Variants in PSD2 observed in about 807,000 individuals in gnomAD.
PSD2 encodes pleckstrin and Sec7 domain containing 2.
PSD2 carries 38 observed loss-of-function variants against 69.8 expected under a neutral mutation model. That is an observed-to-expected ratio of 0.54 (90% confidence interval 0.42 to 0.71). PSD2 has a LOEUF of 0.71. PSD2 is among the 30% of genes least tolerant of loss of function. The pLI, the probability that PSD2 is intolerant of heterozygous loss-of-function variation, is 0.00. For synonymous variants in PSD2, 412 were observed against 423.0 expected (o/e 0.97, Z 0.32); for missense variants, 943 against 1,014.5 (o/e 0.93, Z 0.96).
At chr5:139,793,548 C>T (rs1279715121), upstream of PSD2, among the ~76,000 whole-genome samples, 1 of 152,214 alleles carries the variant, frequency 6.6e-6, no homozygotes, top group Non-Finnish European at 1.5e-5. Flanking sequence ...ATCCAGGGGG[C>T]AGAGACTAGG....
upstream of PSD2, among the ~76,000 whole-genome samples, chr5:139,791,643 GAGAA>G (rs1759418389): frequency 6.6e-6 from 1 of 151,970 alleles, no homozygotes; most frequent in Admixed American, 6.6e-5. Context: ...AAAAAAAAAA[GAGAA>G]AGAAAAAGGC....
At chr5:139,756,985 T>C in the PSD2 span, among the ~76,000 whole-genome samples, 1 of 152,042 alleles carries the variant, frequency 6.6e-6, no homozygotes, top group Non-Finnish European at 1.5e-5. Flanking sequence ...CTCTACAAGG[T>C]TGGAACTCAT....
chr5:139,755,114 GCCATCTGCC>G, the PSD2 span, among the ~76,000 whole-genome samples: 12 of 152,208 alleles, frequency 7.9e-5, no homozygotes, highest in Non-Finnish European at 5.9e-5. Context: ...GACAGTTTAA[GCCATCTGCC>G]CCAGCCTCAT....
chr5:139,814,085 T>C lies in PSD2; in HGVS notation c.822-85T>C, dbSNP rs1190174161. 1 of 1,317,530 alleles carries C rather than the reference T, an allele frequency of 7.6e-7. No individual in the cohort carries two copies. The highest frequency in any genetic ancestry group is 1.1e-6 in the Non-Finnish European group (1 of 937,138). The allele number at this position is 1,317,530 out of a possible 1,614,324, so 81.6% of individuals were successfully genotyped here. A position where few individuals can be genotyped will look rare whatever the true frequency, so the allele number is the denominator to read the frequency against. On this transcript the variant is annotated intron_variant, in intron 3 of 14. Transcript: ENST00000274710. This position sits in a 1 kb window ranked among gnomAD's most constrained non-coding sequence, Gnocchi z 4.4. ...GTTCTGGCCCCTACATGGTTTGCAG[T>C]GGCCTGGGGAAACCTCCCAGCCTCC...
At chr5:139,813,783 A>AACC (rs1561597455) in intron 3 of PSD2, 25 bp downstream of exon 3, 2 of 1,568,484 alleles carry the variant, frequency 1.3e-6, no homozygotes, top group African/African-American at 1.3e-5. Flanking sequence ...AGGCTGGGAG[A>AACC]ACCACCGAGC....
the PSD2 span, among the ~76,000 whole-genome samples, chr5:139,756,881 G>A: frequency 8.9e-3 from 1,359 of 152,280 alleles, 17 homozygotes; most frequent in African/African-American, 0.03. Flanking sequence ...AGGTGATGAA[G>A]GTGATAAAAC....
At chr5:139,821,785 C>T (rs1760265377) in intron 5 of PSD2, 108 bp from the exon 6 acceptor site, 1 of 607,406 alleles carries the variant, frequency 1.6e-6, no homozygotes, top group Admixed American at 2.7e-5. Flanking sequence ...GAGAGTGGGG[C>T]ACTGGAGCCC....
the PSD2 span, among the ~76,000 whole-genome samples, chr5:139,745,611 C>T: frequency 6.6e-6 from 1 of 152,244 alleles, no homozygotes; most frequent in Non-Finnish European, 1.5e-5. Context: ...ACTTCGCCCC[C>T]GTCCCCAAGA....
chr5:139,803,538 G>A (rs1214441645), intron 1 of PSD2, among the ~76,000 whole-genome samples: 1 of 152,164 alleles, frequency 6.6e-6, no homozygotes, highest in Non-Finnish European at 1.5e-5. Flanking sequence ...GGAGGACACC[G>A]AGCTCAGATA....
At chr5:139,779,339 A>G in the PSD2 span, among the ~76,000 whole-genome samples, 5 of 152,216 alleles carry the variant, frequency 3.3e-5, no homozygotes, top group Admixed American at 3.3e-4. Context: ...TTTTACAGTG[A>G]ACACCTACGT....
At chr5:139,785,277 G>A in the PSD2 span, among the ~76,000 whole-genome samples, 1 of 148,868 alleles carries the variant, frequency 6.7e-6, no homozygotes, top group Non-Finnish European at 1.5e-5. Flanking sequence ...AGGCTGGAGT[G>A]CAGTGGTGCT....
the PSD2 span, among the ~76,000 whole-genome samples, chr5:139,782,265 C>A: frequency 6.6e-6 from 1 of 152,072 alleles, no homozygotes; most frequent in South Asian, 2.1e-4. Context: ...CTCACTATAA[C>A]CTCCGCCTCC....
chr5:139,763,087 G>A, the PSD2 span, among the ~76,000 whole-genome samples: 1 of 152,150 alleles, frequency 6.6e-6, no homozygotes, highest in Non-Finnish European at 1.5e-5. Context: ...GGGGCCGGAT[G>A]CTGTGCCTCC....
intron 7 of PSD2, among the ~76,000 whole-genome samples, chr5:139,830,618 CTT>C (rs1420805489): frequency 3.8e-4 from 29 of 76,520 alleles, no homozygotes; most frequent in African/African-American, 1.5e-3. Flanking sequence ...CTCTTTCTTT[CTT>C]TCTTTCTCTT....
At chr5:139,824,352 A>C (rs1760355004) in intron 7 of PSD2, among the ~76,000 whole-genome samples, 1 of 149,794 alleles carries the variant, frequency 6.7e-6, no homozygotes, top group African/African-American at 2.5e-5. Flanking sequence ...ATGAGTGTTC[A>C]TGTTTGCAGC....
At chr5:139,796,911 C>T (rs1581705717) in intron 1 of PSD2, among the ~76,000 whole-genome samples, 3 of 152,160 alleles carry the variant, frequency 2.0e-5, no homozygotes, top group East Asian at 3.9e-4. Flanking sequence ...TGGGGATCAG[C>T]GAGAGGGCTC....
the PSD2 span, among the ~76,000 whole-genome samples, chr5:139,773,421 C>G: frequency 1.3e-5 from 2 of 152,118 alleles, no homozygotes; most frequent in Non-Finnish European, 2.9e-5. Flanking sequence ...ACCACCACAC[C>G]CTGCTTTTTT....
At chr5:139,769,014 A>T in the PSD2 span, among the ~76,000 whole-genome samples, 1 of 152,132 alleles carries the variant, frequency 6.6e-6, no homozygotes, top group African/African-American at 2.4e-5. Flanking sequence ...CCCTGCCCTC[A>T]TGGAATTCTG....
In PSD2 at chr5:139,821,859, A is replaced by C. The variant is rs754367293; in HGVS notation, c.1098-34A>C. 1.0e-5 allele frequency: 14 copies of C among 1,377,298 alleles called. No individual in the cohort carries two copies. In the South Asian group the frequency reaches 1.7e-4, roughly 16 times the overall value. 85.3% of individuals were successfully genotyped at this position (1,377,298 alleles called of 1,614,324 possible). A position where few individuals can be genotyped will look rare whatever the true frequency, so the allele number is the denominator to read the frequency against. ...GTGGTCTTACCCTGGGTGAGGACTC[A>C]GACTGCCCTCAGCAGCTTTGAATTG... On this transcript the variant is annotated intron_variant, in intron 5 of 14. Transcript: ENST00000274710.
Sources: gnomAD v4.1 joint callset for allele counts (sites outside exome capture counted in the v4.1 genomes callset) on GRCh38, gnomAD v4.1.1 for gene constraint, Gnocchi (gnomAD v3.1) non-coding constraint, MANE v1.5 for transcripts, NCBI Gene and HGNC (gene_info 2026-07-23, HGNC 2026-07-21) for gene names.